Variants in ERBB4 observed in about 807,000 individuals in gnomAD.
ERBB4 encodes erb-b2 receptor tyrosine kinase 4, also known as receptor tyrosine-protein kinase erbB-4.
In ERBB4, 42 loss-of-function variants were observed where a neutral mutation model predicts 158.0. The ratio of observed to expected loss-of-function variants is 0.27; its 90% CI spans 0.21 to 0.34. The LOEUF (loss-of-function observed/expected upper bound fraction) is 0.34. ERBB4 is among the 10% of genes least tolerant of loss of function. The pLI is 1.00. For missense variants in ERBB4, 1,333 were observed against 1,624.1 expected, an observed-to-expected ratio of 0.82 and a Z score of 3.08; for synonymous variants, 583 against 558.7, an observed-to-expected ratio of 1.04 and a Z score of -0.61.
intron 1 of ERBB4, among the ~76,000 whole-genome samples, chr2:212,360,584 T>C (rs1029665753): frequency 6.6e-6 from 1 of 151,658 alleles, no homozygotes; most frequent in Non-Finnish European, 1.5e-5. Context: ...TCTCAGTAAA[T>C]GCTGCTAAAT....
intron 3 of ERBB4, among the ~76,000 whole-genome samples, chr2:211,914,490 T>C (rs2079633035): frequency 6.6e-6 from 1 of 152,106 alleles, no homozygotes. Context: ...TGTTTAATAA[T>C]TCATTAAACA....
Position 211,383,543 on chromosome 2 carries a change from C to T in ERBB4, c.*72G>A. ...ACTGGCCTTGGGGTAGAAGGAAGAC[C>T]ACCAGAGAAAGAGAGGGGGGTGGGG... On this transcript the variant is annotated 3_prime_UTR_variant, in exon 28 of 28. Transcript: ENST00000342788. 7.7e-7 allele frequency: 1 copy of T among 1,293,102 alleles called. No individual in the cohort carries two copies. Among genetic ancestry groups the T allele is most frequent in the Non-Finnish European group, 1.1e-6 (1 of 892,236 alleles). 80.1% of individuals were successfully genotyped at this position (1,293,102 alleles called of 1,614,324 possible).
chr2:211,550,745 T>A (rs1246240394), intron 20 of ERBB4, among the ~76,000 whole-genome samples: 1 of 146,530 alleles, frequency 6.8e-6, no homozygotes, highest in Non-Finnish European at 1.5e-5. Flanking sequence ...CACACACACA[T>A]GCATTTCATT....
chr2:212,399,586 T>A (rs868671403), intron 1 of ERBB4, among the ~76,000 whole-genome samples: 14 of 103,080 alleles, frequency 1.4e-4, no homozygotes, highest in South Asian at 2.9e-4. Context: ...ATATATATAT[T>A]GGGCGTGGTG....
intron 1 of ERBB4, among the ~76,000 whole-genome samples, chr2:212,435,776 TG>T (rs1409910815): frequency 6.6e-6 from 1 of 151,994 alleles, no homozygotes; most frequent in Non-Finnish European, 1.5e-5. Context: ...AAATTATACA[TG>T]GCTCAAGCTC....
At chr2:211,919,300 A>T (rs1328611279) in intron 3 of ERBB4, among the ~76,000 whole-genome samples, 1 of 152,074 alleles carries the variant, frequency 6.6e-6, no homozygotes, top group African/African-American at 2.4e-5. Context: ...AAGTGGATAA[A>T]GTGTTCTTCC....
At chr2:211,962,643 G>A (rs1038911572) in intron 2 of ERBB4, among the ~76,000 whole-genome samples, 6 of 152,172 alleles carry the variant, frequency 3.9e-5, no homozygotes, top group Admixed American at 2.6e-4. Flanking sequence ...AGCTGGTGGA[G>A]AGAGAAAAGT....
intron 1 of ERBB4, among the ~76,000 whole-genome samples, chr2:212,173,915 T>G (rs1305890475): frequency 6.6e-6 from 1 of 152,066 alleles, no homozygotes; most frequent in Non-Finnish European, 1.5e-5. Context: ...CTGCTATGAT[T>G]TATCCACTGA....
chr2:212,527,629 T>C (rs1440689048), intron 1 of ERBB4, among the ~76,000 whole-genome samples: 2 of 152,122 alleles, frequency 1.3e-5, no homozygotes, highest in Non-Finnish European at 1.5e-5. Context: ...AATTTGTATT[T>C]CTATTTCAAT....
intron 5 of ERBB4, among the ~76,000 whole-genome samples, chr2:211,745,091 G>GAT (rs1187290665): frequency 6.6e-6 from 1 of 152,122 alleles, no homozygotes; most frequent in Non-Finnish European, 1.5e-5. Context: ...GTCAGGGTCA[G>GAT]ATATAAGTAT....
At chr2:211,435,717 T>C (rs1297265723) in intron 20 of ERBB4, among the ~76,000 whole-genome samples, 1 of 152,148 alleles carries the variant, frequency 6.6e-6, no homozygotes, top group African/African-American at 2.4e-5. Flanking sequence ...GCCTGATGGT[T>C]TGAGGTAGAA....
At position 211,803,584 on chromosome 2, in the gene ERBB4, G is replaced by T. The variant is rs377361813; in HGVS notation, c.422-15425C>A. 3.3e-5 allele frequency among the ~76,000 whole-genome samples: 5 copies of T among 152,192 alleles called. No individual in the cohort carries two copies. In the South Asian group the frequency reaches 1.0e-3, roughly 31 times the overall value. On this transcript the variant is annotated intron_variant, in intron 3 of 27. Transcript: ENST00000342788. ...TCAGCCCCAGAAGATGTTACTAAGAGACAATGTGAACTCAGGGTTGCCAGA... is the reference window on the plus strand; with the variant it reads ...TCAGCCCCAGAAGATGTTACTAAGATACAATGTGAACTCAGGGTTGCCAGA...
chr2:211,643,897 G>A (rs1021043838), intron 16 of ERBB4, among the ~76,000 whole-genome samples: 4 of 152,014 alleles, frequency 2.6e-5, no homozygotes, highest in South Asian at 2.1e-4. Flanking sequence ...CCATTTCCAA[G>A]CAGTAATAAA....
chr2:212,196,204 T>C (rs985601397), intron 1 of ERBB4, among the ~76,000 whole-genome samples: 4 of 152,194 alleles, frequency 2.6e-5, no homozygotes, highest in African/African-American at 9.6e-5. Flanking sequence ...CGATTTTGTA[T>C]GTTATATGTA....
intron 20 of ERBB4, among the ~76,000 whole-genome samples, chr2:211,526,228 G>C (rs1339699825): frequency 2.0e-5 from 3 of 152,088 alleles, no homozygotes; most frequent in Non-Finnish European, 4.4e-5. Context: ...CTCATCCCCA[G>C]CCCCAGGCAG....
chr2:212,466,658 T>G (rs1047429511), intron 1 of ERBB4, among the ~76,000 whole-genome samples: 2 of 152,228 alleles, frequency 1.3e-5, no homozygotes, highest in Admixed American at 1.3e-4. Flanking sequence ...CTTTCTTTTG[T>G]AAATTGCCCA....
chr2:212,380,658 T>C (rs2090474163), intron 1 of ERBB4, among the ~76,000 whole-genome samples: 1 of 150,896 alleles, frequency 6.6e-6, no homozygotes, highest in South Asian at 2.1e-4. Flanking sequence ...TATTTTAATG[T>C]ATTAAGAGTA....
chr2:212,375,613 T>C (rs945590533), intron 1 of ERBB4, among the ~76,000 whole-genome samples: 3 of 152,078 alleles, frequency 2.0e-5, no homozygotes, highest in African/African-American at 7.2e-5. Context: ...ATATTTTTTC[T>C]TATAAGGGGG....
chr2:212,086,358 CAAAA>C (rs76096908), intron 2 of ERBB4, among the ~76,000 whole-genome samples: 2 of 127,984 alleles, frequency 1.6e-5, no homozygotes. Flanking sequence ...TTCTCCCCAC[CAAAA>C]AAAAAAAAAG....
Sources: allele counts gnomAD v4.1 joint callset (sites outside exome capture counted in the v4.1 genomes callset), GRCh38; gene constraint gnomAD v4.1.1; transcripts MANE v1.5; gene names NCBI Gene and HGNC (gene_info 2026-07-23, HGNC 2026-07-21).